PRUNE2: variants seen among roughly 807,000 people sequenced by gnomAD.
PRUNE2 encodes prune homolog 2 with BCH domain.
PRUNE2 carries 164 observed loss-of-function variants against 252.0 expected under a neutral mutation model. The observed-to-expected ratio is 0.65, with a 90% confidence interval of 0.57 to 0.74. The LOEUF is 0.74. Among genes scored for constraint, PRUNE2 ranks in the 30% least tolerant of loss-of-function variants. PRUNE2 has a pLI of 0.00. For missense variants in PRUNE2, 3,495 were observed against 3,711.0 expected (o/e 0.94, Z 1.51); for synonymous variants, 1,292 against 1,350.2 (o/e 0.96, Z 0.94).
intron 1 of PRUNE2, among the ~76,000 whole-genome samples, chr9:76,892,008 G>A (rs2062506690): frequency 6.6e-6 from 1 of 152,064 alleles, no homozygotes; most frequent in African/African-American, 2.4e-5. Flanking sequence ...TGTTCCATAA[G>A]GCTCAATCTT....
chr9:76,735,438 T>G (rs933323808), intron 6 of PRUNE2, among the ~76,000 whole-genome samples: 1 of 119,676 alleles, frequency 8.4e-6, no homozygotes, highest in East Asian at 2.4e-4. Context: ...TTTTTTTTTT[T>G]ATGCCAGTTA....
rs753381140 is a variant in PRUNE2, at chr9:76,644,829, G to A, written c.8638C>T (p.Arg2880Trp). 1.4e-5 allele frequency: 23 copies of A among 1,613,714 alleles called. No homozygotes were observed. The highest frequency in any genetic ancestry group is 2.2e-5 in the South Asian group (2 of 91,082). ...CCAATGACCACTGTCCTCCAAAGCC[G>A]GTTGTCCTCCCGTTCCTCTTCGGCC... ...YTAEEEREDN[R>W]LWRTVVIGEQ... Residue 2880 changes from arginine to tryptophan, a missense_variant, in exon 12 of 19, where the codon CGG (arginine) becomes TGG (tryptophan). Coordinates refer to ENST00000376718, the MANE Select transcript of PRUNE2 (RefSeq NM_015225.3).
At position 76,641,953 on chromosome 9, in the gene PRUNE2, A is replaced by G. The variant is rs906875207; in HGVS notation, c.8728+2786T>C. On this transcript the variant is annotated intron_variant, in intron 12 of 18. Transcript: ENST00000376718. The stretch of plus-strand genomic sequence containing the variant: ...TCTTTCCAGGGTCATTTGTCCAGCA[A>G]GACTTCAGAGAAGGTTACCTGAATC... The G allele has an allele frequency of 4.6e-6, 7 of 1,529,468 alleles. No individual in the cohort carries two copies. In the African/African-American group the frequency reaches 9.8e-5, roughly 21 times the overall value. The allele number at this position is 1,529,468 out of a possible 1,614,324, so 94.7% of individuals were successfully genotyped here.
chr9:76,775,068 G>GA (rs60735466), intron 6 of PRUNE2, among the ~76,000 whole-genome samples: 32,880 of 151,860 alleles, frequency 0.22, 3,555 homozygotes, highest in South Asian at 0.27. Context: ...TCCCAAAGAA[G>GA]AAAAAAAATT....
At chr9:76,861,525 TG>T (rs1564457950) in intron 1 of PRUNE2, among the ~76,000 whole-genome samples, 1 of 152,160 alleles carries the variant, frequency 6.6e-6, no homozygotes, top group Admixed American at 6.5e-5. Context: ...GGGTAGGCGA[TG>T]GGGGAGGCAA....
Position 76,709,740 on chromosome 9 carries a change from G to C in PRUNE2, c.2534C>G (p.Ser845Cys). The change falls in exon 8 of 19, where the codon TCT (serine) becomes TGT (cysteine). Residue 845 changes from serine (S) to cysteine (C), a missense_variant. Physicochemically the swap from Ser to Cys is moderately radical, Grantham distance 112. Transcript: ENST00000376718. ...AMAKSGFAFS[S>C]SELLDNSPSE... ...GGGTGAATTGTCCAGTAGTTCTGAA[G>C]AAGAAAAGGCAAACCCACTTTTTGC... 1 of 1,613,998 alleles carries C rather than the reference G, an allele frequency of 6.2e-7. No individual in the cohort carries two copies. The highest frequency in any genetic ancestry group is 2.2e-5 in the East Asian group (1 of 44,870).
At chr9:76,896,923 C>A (rs12550869) in intron 1 of PRUNE2, among the ~76,000 whole-genome samples, 16,204 of 152,228 alleles carry the variant, frequency 0.11, 1,093 homozygotes, top group South Asian at 0.23. Flanking sequence ...CCAAATGATG[C>A]CCATAACATT....
At chr9:76,770,346 C>T (rs954326760) in intron 6 of PRUNE2, among the ~76,000 whole-genome samples, 3 of 152,110 alleles carry the variant, frequency 2.0e-5, no homozygotes, top group African/African-American at 7.2e-5. Flanking sequence ...ATTCCTTGGG[C>T]ATTAAAATAT....
At chr9:76,768,832 A>G (rs2052757432) in intron 6 of PRUNE2, among the ~76,000 whole-genome samples, 2 of 152,204 alleles carry the variant, frequency 1.3e-5, no homozygotes, top group African/African-American at 2.4e-5. Flanking sequence ...TATGGATTCT[A>G]TGCTACATTA....
intron 6 of PRUNE2, among the ~76,000 whole-genome samples, chr9:76,787,785 C>A (rs115778177): frequency 6.6e-6 from 1 of 152,110 alleles, no homozygotes; most frequent in African/African-American, 2.4e-5. Context: ...ACTAGACAGT[C>A]CTCTCCAATC....
At chr9:76,778,294 G>A (rs1238359309) in intron 6 of PRUNE2, 1 of 152,136 alleles carries the variant, frequency 6.6e-6, no homozygotes, top group Non-Finnish European at 1.5e-5. Context: ...TTCTCTTATG[G>A]CACAAATACA....
At chr9:76,786,530 A>G (rs565695579) in intron 6 of PRUNE2, 9 of 152,276 alleles carry the variant, frequency 5.9e-5, no homozygotes, top group African/African-American at 2.2e-4. Context: ...TCCTCTTGAC[A>G]CATATTAGCT....
At chr9:76,865,806 T>TACACACACACACACACACAC (rs34661457) in intron 1 of PRUNE2, among the ~76,000 whole-genome samples, 1 of 127,152 alleles carries the variant, frequency 7.9e-6, no homozygotes, top group South Asian at 2.6e-4. Flanking sequence ...TCTCTCTCCC[T>TACACACACACACACACACAC]ACACACACAC....
intron 14 of PRUNE2, 77 bp downstream of exon 14, chr9:76,637,341 T>C: frequency 7.3e-7 from 1 of 1,369,548 alleles, no homozygotes; most frequent in Non-Finnish European, 1.0e-6. Flanking sequence ...ATGAAGATAA[T>C]AACAGTATAC....
At chr9:76,752,097 G>GTTTTTTTT (rs1411263754) in intron 6 of PRUNE2, among the ~76,000 whole-genome samples, 1 of 21,358 alleles carries the variant, frequency 4.7e-5, no homozygotes, top group African/African-American at 3.6e-4. Flanking sequence ...TTTTTTTTTG[G>GTTTTTTTT]TTTTTTTTTT....
At chr9:76,761,663 T>A (rs183701531) in intron 6 of PRUNE2, among the ~76,000 whole-genome samples, 1 of 152,202 alleles carries the variant, frequency 6.6e-6, no homozygotes. Flanking sequence ...TGAATTTCCA[T>A]TAGAAAGTGA....
intron 3 of PRUNE2, among the ~76,000 whole-genome samples, chr9:76,848,211 C>G (rs1277599029): frequency 1.3e-5 from 2 of 152,158 alleles, no homozygotes; most frequent in African/African-American, 4.8e-5. Flanking sequence ...CTGCAGTGAG[C>G]TGAGATCGTG....
Position 76,826,604 on chromosome 9 carries a change from G to A in PRUNE2, c.637C>T (p.Gln213Ter), listed in dbSNP as rs1490272745. 1.2e-6 allele frequency: 2 copies of A among 1,609,588 alleles called. No homozygotes were observed. Among genetic ancestry groups the A allele is most frequent in the East Asian group, 2.2e-5 (1 of 44,768 alleles). ...CCCTGAGCACTGAACTGGGTCTCCT[G>A]TAGGACGTTGATGATGTCCTCTCTT... The part of the protein sequence containing the change: ...PPREDIINVL[Q>*]ETQFSAQGLS... Residue 213 changes from glutamine (Q) to a stop codon, truncating the protein, a stop_gained, in exon 5 of 19, where the codon CAG becomes TAG. Coordinates refer to ENST00000376718, the MANE Select transcript of PRUNE2 (RefSeq NM_015225.3). LOFTEE classifies it high-confidence loss of function.
intron 6 of PRUNE2, among the ~76,000 whole-genome samples, chr9:76,765,782 T>G (rs2052297631): frequency 6.6e-6 from 1 of 152,196 alleles, no homozygotes; most frequent in Non-Finnish European, 1.5e-5. Flanking sequence ...TCCAAACCAG[T>G]GCTTTTCTGG....
Sources: gnomAD v4.1 joint callset for allele counts (sites outside exome capture counted in the v4.1 genomes callset) on GRCh38, gnomAD v4.1.1 for gene constraint, MANE v1.5 for transcripts, NCBI Gene and HGNC (gene_info 2026-07-23, HGNC 2026-07-21) for gene names.